The following CCDC25 variants were observed in gnomAD, a reference collection of about 807,000 sequenced individuals.
CCDC25 encodes coiled-coil domain-containing protein 25.
A neutral mutation model predicts 35.3 loss-of-function variants in CCDC25; 16 were observed. The observed-to-expected ratio is 0.45, with a 90% CI of 0.31 to 0.69. The LOEUF is 0.69. Among genes scored for constraint, CCDC25 ranks in the 30% least tolerant of loss-of-function variants. The pLI is 0.06. For missense variants in CCDC25, 179 were observed against 250.7 expected, an observed-to-expected ratio of 0.71 and a Z score of 1.93; for synonymous variants, 79 against 80.3, an observed-to-expected ratio of 0.98 and a Z score of 0.09.
At chr8:27,771,204 A>G (rs1010812704) in intron 1 of CCDC25, among the ~76,000 whole-genome samples, 1 of 152,160 alleles carries the variant, frequency 6.6e-6, no homozygotes, top group African/African-American at 2.4e-5. Context: ...ACAGCCATTC[A>G]GTACAGCAAC....
At chr8:27,747,920 T>G in intron 7 of CCDC25, 157 bp downstream of exon 7, 1 of 653,714 alleles carries the variant, frequency 1.5e-6, no homozygotes, top group Non-Finnish European at 2.6e-6. Context: ...TTAATATAAA[T>G]GCCTTTTTTT....
chr8:27,740,541 C>A, intron 7 of CCDC25, 24 bp from the exon 8 acceptor site: 1 of 1,597,684 alleles, frequency 6.3e-7, no homozygotes, highest in Non-Finnish European at 8.6e-7. Context: ...AACACACACA[C>A]ACATTTAAAA....
At chr8:27,741,552 C>A (rs905107456) in intron 7 of CCDC25, among the ~76,000 whole-genome samples, 2 of 152,092 alleles carry the variant, frequency 1.3e-5, no homozygotes, top group African/African-American at 4.8e-5. Flanking sequence ...GTGGCGTGCA[C>A]CTGTAATCCC....
rs1273584174 is a variant in CCDC25 at position 27,748,233 on chromosome 8, C to T, written c.395G>A (p.Arg132Gln). The T allele has an allele frequency of 9.3e-6, 15 of 1,613,924 alleles. No individual in the cohort carries two copies. The highest frequency in any genetic ancestry group is 4.0e-5 in the African/African-American group (3 of 74,912). Residue 132 changes from arginine to glutamine, a missense_variant, in exon 7 of 9, where the codon CGA becomes CAA. By Grantham distance (43) the Arg-to-Gln change is conservative. Transcript: ENST00000356537. The stretch of plus-strand genomic sequence containing the variant: ...CCGCTCGACTTTGGTCTTTTCTAAT[C>T]GGTTCAGGATCTCATTTACTTTCTT... ...VEKKVNEILNRLEKTKVERFP... is the reference protein window; with the variant it reads ...VEKKVNEILNQLEKTKVERFP...
chr8:27,740,434 T>C (rs774453872), intron 8 of CCDC25, 38 bp downstream of exon 8: 1 of 1,589,752 alleles, frequency 6.3e-7, no homozygotes, highest in South Asian at 1.1e-5. Flanking sequence ...TAGTGAATTA[T>C]TTCAAGGCAA....
At chr8:27,745,749 C>T (rs10103758) in intron 7 of CCDC25, among the ~76,000 whole-genome samples, 65,734 of 152,108 alleles carry the variant, frequency 0.43, 14,769 homozygotes, top group Middle Eastern at 0.51. Flanking sequence ...CACTGCAGCC[C>T]TGTGCCACGT....
intron 8 of CCDC25, among the ~76,000 whole-genome samples, chr8:27,736,820 T>C (rs1473631586): frequency 6.6e-6 from 1 of 152,200 alleles, no homozygotes; most frequent in Non-Finnish European, 1.5e-5. Flanking sequence ...TGCATAATGG[T>C]ATACAGCACA....
chr8:27,762,251 T>A (rs1804252544), intron 3 of CCDC25, among the ~76,000 whole-genome samples, 168 bp downstream of exon 3: 1 of 152,168 alleles, frequency 6.6e-6, no homozygotes, highest in Non-Finnish European at 1.5e-5. Flanking sequence ...CCCAAAAACA[T>A]CATTTCCAAC....
At chr8:27,740,712 G>T (rs1166560273) in intron 7 of CCDC25, among the ~76,000 whole-genome samples, 195 bp from the exon 8 acceptor site, 1 of 152,200 alleles carries the variant, frequency 6.6e-6, no homozygotes, top group East Asian at 1.9e-4. Context: ...AAAAAGATGT[G>T]CACAGCACTT....
At chr8:27,755,223 C>T (rs928330906) in intron 4 of CCDC25, among the ~76,000 whole-genome samples, 6 of 152,140 alleles carry the variant, frequency 3.9e-5, no homozygotes, top group East Asian at 1.9e-4. Flanking sequence ...AAATACAAGA[C>T]GAGCCTGGAG....
chr8:27,765,175 T>C (rs773448679), intron 2 of CCDC25, 29 bp downstream of exon 2: 6 of 1,493,716 alleles, frequency 4.0e-6, no homozygotes, highest in African/African-American at 2.8e-5. Flanking sequence ...TGCTGAAAAT[T>C]TCAAAATCAA....
At position 27,768,679 on chromosome 8, in the gene CCDC25, C is replaced by A. The variant is rs746927493; in HGVS notation, c.29-3428G>T. On this transcript the variant is annotated intron_variant, in intron 1 of 8. Transcript: ENST00000356537. ...AGAAGGAAAAGTAAACTGAATTATT[C>A]TAGTTCATTTGTTATTCTCATCTAA... is the stretch of plus-strand genomic sequence containing the variant. Among the ~76,000 whole-genome samples, 8 of 152,046 alleles carry A rather than the reference C, an allele frequency of 5.3e-5. No homozygotes were observed. In the South Asian group the frequency reaches 6.2e-4, roughly 12 times the overall value.
intron 5 of CCDC25, 103 bp from the exon 6 acceptor site, chr8:27,748,701 A>G: frequency 1.2e-6 from 1 of 808,780 alleles, no homozygotes. Flanking sequence ...GAAACGGCTT[A>G]GAACGAACAG....
At chr8:27,739,128 G>T (rs1421913528) in intron 8 of CCDC25, among the ~76,000 whole-genome samples, 1 of 152,168 alleles carries the variant, frequency 6.6e-6, no homozygotes, top group Non-Finnish European at 1.5e-5. Context: ...TTGCCCAAGG[G>T]ATGTTTAATC....
At chr8:27,756,659 G>T (rs1370284189) in intron 4 of CCDC25, 60 bp downstream of exon 4, 2 of 1,167,376 alleles carry the variant, frequency 1.7e-6, no homozygotes, top group African/African-American at 1.5e-5. Context: ...AAAGGATAAA[G>T]AACAAGATAT....
rs1803670153 is a variant in CCDC25 at position 27,748,199 on chromosome 8, G to A, written c.429C>T (p.Asp143=). The A allele has an allele frequency of 2.5e-6, 4 of 1,613,680 alleles. No homozygotes were observed. The highest frequency in any genetic ancestry group is 1.1e-5 in the South Asian group (1 of 91,058). The stretch of plus-strand genomic sequence containing the variant: ...CTCTGCATTCTTTCTCTGCTGCTAG[G>A]TCTGGGAACCGCTCGACTTTGGTCT... ...LEKTKVERFP[D]LAAEKECRDR... Residue 143 remains aspartate (D), a synonymous_variant, in exon 7 of 9, where the codon GAC becomes GAT. Coordinates refer to ENST00000356537, the MANE Select transcript of CCDC25 (RefSeq NM_018246.3).
intron 5 of CCDC25, 32 bp from the exon 6 acceptor site, chr8:27,748,630 C>T: frequency 6.7e-7 from 1 of 1,482,862 alleles, no homozygotes; most frequent in Non-Finnish European, 9.4e-7. Flanking sequence ...AACATGCAGG[C>T]AGGATGAGAC....
chr8:27,772,452 C>T (rs1169600591), intron 1 of CCDC25, 61 bp downstream of exon 1: 13 of 1,513,014 alleles, frequency 8.6e-6, no homozygotes, highest in African/African-American at 1.4e-5. Context: ...CGGCGGACTG[C>T]GGGTCCCGGC....
chr8:27,745,392 T>C (rs1290319557), intron 7 of CCDC25, among the ~76,000 whole-genome samples: 1 of 152,222 alleles, frequency 6.6e-6, no homozygotes, highest in Non-Finnish European at 1.5e-5. Flanking sequence ...ACCCATCCTC[T>C]TTATGACGTT....
Sources: gnomAD v4.1 joint callset for allele counts (sites outside exome capture counted in the v4.1 genomes callset) on GRCh38, gnomAD v4.1.1 for gene constraint, MANE v1.5 for transcripts, NCBI Gene and HGNC (gene_info 2026-07-23, HGNC 2026-07-21) for gene names.